The following TGFB3 variants were observed in gnomAD, a reference collection of about 807,000 sequenced individuals.
TGFB3 encodes transforming growth factor beta 3.
In TGFB3, 5 loss-of-function variants were observed where a neutral mutation model predicts 40.1. The observed-to-expected ratio is 0.12, with a 90% CI of 0.07 to 0.26. The LOEUF (loss-of-function observed/expected upper bound fraction) is 0.26. Ranked by LOEUF, TGFB3 falls within the 10% of genes least tolerant of loss-of-function variation. TGFB3 has a pLI of 1.00. For missense variants in TGFB3, 373 were observed against 530.1 expected (o/e 0.70, Z 2.91); for synonymous variants, 184 against 205.6 (o/e 0.89, Z 0.90).
chr14:75,959,106 T>C lies in TGFB3; in HGVS notation c.*81A>G. On this transcript the variant is annotated 3_prime_UTR_variant, in exon 7 of 7. Transcript: ENST00000238682. ...TGGGCTCCAGGCCTCTCAGTGAGGT[T>C]TGTTGCTTGTGTGTTTCCCGAGGAG... 6.3e-7 allele frequency: 1 copy of C among 1,588,280 alleles called. No homozygotes were observed. The highest frequency in any genetic ancestry group is 8.6e-7 in the Non-Finnish European group (1 of 1,157,802).
chr14:75,976,213 T>C (rs1426954753), intron 1 of TGFB3, among the ~76,000 whole-genome samples: 1 of 152,222 alleles, frequency 6.6e-6, no homozygotes, highest in Non-Finnish European at 1.5e-5. Flanking sequence ...TGTACTTCTC[T>C]ACCCTGGCTG....
chr14:75,959,077 GT>G lies in TGFB3; in HGVS notation c.*109del. On this transcript the variant is annotated 3_prime_UTR_variant, in exon 7 of 7. Coordinates refer to ENST00000238682, the MANE Select transcript of TGFB3 (RefSeq NM_003239.5). Reference sequence around the variant, plus strand: ...CTCAGCCATTTGCCCGGAGCCGAAGGTTGTGGGCTCCAGGCCTCTCAGTGAG... The same window carrying G: ...CTCAGCCATTTGCCCGGAGCCGAAGGTGTGGGCTCCAGGCCTCTCAGTGAG... 7.1e-7 allele frequency: 1 copy of G among 1,405,996 alleles called. No homozygotes were observed. The highest frequency in any genetic ancestry group is 1.0e-6 in the Non-Finnish European group (1 of 993,894). The allele number at this position is 1,405,996 out of a possible 1,614,324, so 87.1% of individuals were successfully genotyped here. A position where few individuals can be genotyped will look rare whatever the true frequency, so the allele number is the denominator to read the frequency against.
rs978199803 is a variant in TGFB3, at chr14:75,979,699, C to G, written c.352+843G>C. Among the ~76,000 whole-genome samples the G allele has an allele frequency of 2.0e-5, 3 of 149,882 alleles. No homozygotes were observed. Among genetic ancestry groups the G allele is most frequent in the Non-Finnish European group, 4.5e-5 (3 of 66,954 alleles). On this transcript the variant is annotated intron_variant, in intron 1 of 6. Transcript: ENST00000238682. The surrounding 1 kb of genome is among the most constrained non-coding windows in gnomAD (Gnocchi z 4.8). ...GGACGGCAGGCTCCCAGACATATCC[C>G]CCCCCCCCACCATGCACCCACTGCC...
At chr14:75,961,397 G>C (rs1328597586) in intron 5 of TGFB3, among the ~76,000 whole-genome samples, 1 of 152,198 alleles carries the variant, frequency 6.6e-6, no homozygotes, top group Non-Finnish European at 1.5e-5. Flanking sequence ...AGCACTGAAT[G>C]TTATTAGCCA....
chr14:75,977,539 A>G (rs1360263151), intron 1 of TGFB3, among the ~76,000 whole-genome samples: 1 of 152,148 alleles, frequency 6.6e-6, no homozygotes, highest in Non-Finnish European at 1.5e-5. Flanking sequence ...ACTGAGGCTC[A>G]GAGAGGTCAC....
chr14:75,962,172 A>G (rs1337335700), intron 5 of TGFB3, among the ~76,000 whole-genome samples: 1 of 152,182 alleles, frequency 6.6e-6, no homozygotes, highest in African/African-American at 2.4e-5. Context: ...TTAAGCAGCC[A>G]GCCCACCCTA....
intron 5 of TGFB3, among the ~76,000 whole-genome samples, chr14:75,962,377 T>C (rs2035167671): frequency 6.6e-6 from 1 of 152,258 alleles, no homozygotes; most frequent in Non-Finnish European, 1.5e-5. Flanking sequence ...TATACCTTGC[T>C]GTTGAGCTGT....
intron 3 of TGFB3, among the ~76,000 whole-genome samples, chr14:75,969,941 C>T (rs2035268531): frequency 6.6e-6 from 1 of 152,218 alleles, no homozygotes; most frequent in African/African-American, 2.4e-5. Flanking sequence ...ATATTGCTCT[C>T]ATCTGGGCTG....
chr14:75,974,829 G>A (rs889286791), intron 1 of TGFB3, among the ~76,000 whole-genome samples: 1 of 151,844 alleles, frequency 6.6e-6, no homozygotes. Flanking sequence ...GCTCACGCCT[G>A]TAATCCCAGC....
chr14:75,960,985 A>T lies in TGFB3; in HGVS notation c.1018T>A (p.Tyr340Asn). The change falls in exon 6 of 7, where the codon TAT becomes AAT. Residue 340 changes from tyrosine (Y) to asparagine (N), a missense_variant. Transcript: ENST00000238682. ...WKWVHEPKGYYANFCSGPCPY... is the reference protein window; with the variant it reads ...WKWVHEPKGYNANFCSGPCPY... ...CAAGGGCCTGAGCAGAAGTTGGCAT[A>T]GTAGCCCTTAGGTTCATGGACCCAC... 6.2e-7 allele frequency: 1 copy of T among 1,614,266 alleles called. No individual in the cohort carries two copies. Among genetic ancestry groups the T allele is most frequent in the Non-Finnish European group, 8.5e-7 (1 of 1,180,048 alleles).
Position 75,958,823 on chromosome 14 carries a change from C to T in TGFB3, c.*364G>A. 2.8e-6 allele frequency: 1 copy of T among 357,894 alleles called. No homozygotes were observed. The highest frequency in any genetic ancestry group is 2.2e-5 in the South Asian group (1 of 44,456). The allele number at this position is 357,894 out of a possible 1,614,324, so 22.2% of individuals were successfully genotyped here. ...GAAGTGTCTTCCAGTCTGGCCCTGA[C>T]CCAGCCATTCTCTGCCCTTCCTTCT... On this transcript the variant is annotated 3_prime_UTR_variant, in exon 7 of 7. Transcript: ENST00000238682.
rs1325304886 is a variant in TGFB3 at position 75,980,837 on chromosome 14, C to T, written c.57G>A (p.Thr19=). Residue 19 remains threonine (T), a synonymous_variant, in exon 1 of 7, where the codon ACG becomes ACA. Coordinates refer to ENST00000238682, the MANE Select transcript of TGFB3 (RefSeq NM_003239.5). The surrounding 1 kb of genome is among the most constrained non-coding windows in gnomAD (Gnocchi z 4.3). ...LVVLALLNFA[T]VSLSLSTCTT... ...TGCAAGTGGACAGAGAGAGGCTGAC[C>T]GTGGCAAAGTTCAGCAGGGCCAGGA... The T allele has an allele frequency of 2.5e-6, 4 of 1,614,128 alleles. No individual in the cohort carries two copies. Among genetic ancestry groups the T allele is most frequent in the Admixed American group, 1.7e-5 (1 of 60,020 alleles).
chr14:75,964,981 T>G (rs2035204510), intron 4 of TGFB3, among the ~76,000 whole-genome samples: 1 of 152,162 alleles, frequency 6.6e-6, no homozygotes, highest in Non-Finnish European at 1.5e-5. Flanking sequence ...CCAGAGATCA[T>G]CAAGGCTGAG....
chr14:75,974,416 C>T (rs148139303), intron 1 of TGFB3, among the ~76,000 whole-genome samples: 1 of 152,150 alleles, frequency 6.6e-6, no homozygotes, highest in African/African-American at 2.4e-5. Context: ...TTAGAAGGGA[C>T]ATCAGGAGTC....
chr14:75,972,180 T>C (rs1020878230), intron 1 of TGFB3, among the ~76,000 whole-genome samples: 1 of 152,364 alleles, frequency 6.6e-6, no homozygotes, highest in African/African-American at 2.4e-5. Context: ...CCAAGCATAG[T>C]GCTAACCTTG....
Position 75,963,384 on chromosome 14 carries a change from G to T in TGFB3, c.858C>A (p.His286Gln). ...PHLILMMIPP[H>Q]RLDNPGQGGQ... is the part of the protein sequence containing the mutation. ...CCCCCTGGCCCGGGTTGTCGAGCCG[G>T]TGTGGGGGAATCATCATGAGGATTA... Residue 286 changes from histidine (H) to glutamine (Q), a missense_variant, in exon 5 of 7, where the codon CAC becomes CAA. Coordinates refer to ENST00000238682, the MANE Select transcript of TGFB3 (RefSeq NM_003239.5). The T allele has an allele frequency of 1.9e-6, 3 of 1,614,194 alleles. No individual in the cohort carries two copies. The highest frequency in any genetic ancestry group is 3.3e-4 in the Middle Eastern group (2 of 6,062).
intron 3 of TGFB3, among the ~76,000 whole-genome samples, chr14:75,969,906 T>G (rs2035268078): frequency 6.6e-6 from 1 of 152,216 alleles, no homozygotes; most frequent in African/African-American, 2.4e-5. Context: ...TCATATCCAC[T>G]GCTACCGCCC....
At position 75,980,424 on chromosome 14, in the gene TGFB3, G is replaced by T; in HGVS notation, c.352+118C>A. ...GGAGCATCGCACATCCTGAGCCTTG[G>T]TGCTGGTGAATCCTGGGGCACCCTG... is the stretch of plus-strand genomic sequence containing the variant. On this transcript the variant is annotated intron_variant, in intron 1 of 6. Coordinates refer to ENST00000238682, the MANE Select transcript of TGFB3 (RefSeq NM_003239.5). The surrounding 1 kb of genome is among the most constrained non-coding windows in gnomAD (Gnocchi z 4.3). 9.4e-7 allele frequency: 1 copy of T among 1,060,734 alleles called. No individual in the cohort carries two copies. The highest frequency in any genetic ancestry group is 1.5e-6 in the Non-Finnish European group (1 of 687,220). 65.7% of individuals were successfully genotyped at this position (1,060,734 alleles called of 1,614,324 possible). A position where few individuals can be genotyped will look rare whatever the true frequency, so the allele number is the denominator to read the frequency against.
chr14:75,963,611 G>A (rs1007145796), intron 4 of TGFB3, 124 bp from the exon 5 acceptor site: 1 of 1,162,164 alleles, frequency 8.6e-7, no homozygotes, highest in East Asian at 2.4e-5. Context: ...AGGGAGGTGT[G>A]GGGGACAAGT....
Sources: allele counts gnomAD v4.1 joint callset (sites outside exome capture counted in the v4.1 genomes callset), GRCh38; gene constraint gnomAD v4.1.1; non-coding constraint Gnocchi (gnomAD v3.1); transcripts MANE v1.5; gene names NCBI Gene and HGNC (gene_info 2026-07-23, HGNC 2026-07-21).